Variants in COMMD5 observed in about 807,000 individuals in gnomAD.
COMMD5 encodes COMM domain containing 5, also known as COMM domain-containing protein 5.
Under a neutral mutation model 6.9 loss-of-function variants are expected in COMMD5, and 10 were observed. That is an observed-to-expected ratio of 1.44 (90% CI 0.89 to 2.45). COMMD5 has a LOEUF of 2.45. COMMD5 is among the 30% of genes most tolerant of loss of function. The pLI is 0.00. For synonymous variants in COMMD5, 127 were observed against 125.3 expected, an observed-to-expected ratio of 1.01 and a Z score of -0.09; for missense variants, 234 against 287.8, an observed-to-expected ratio of 0.81 and a Z score of 1.35.
chr8:144,842,593 C>A (rs774549474), intron 1 of COMMD5: 1 of 1,614,202 alleles, frequency 6.2e-7, no homozygotes, highest in East Asian at 2.2e-5. Context: ...TGGAGAGAAA[C>A]CCTATGTGTG....
chr8:144,839,963 G>A (rs549644852), downstream of COMMD5, among the ~76,000 whole-genome samples: 2 of 152,120 alleles, frequency 1.3e-5, no homozygotes, highest in Non-Finnish European at 2.9e-5. Flanking sequence ...TTTTGAGATG[G>A]AGTCTTTGTT....
At chr8:144,849,440 G>C (rs1830641938), downstream of COMMD5, among the ~76,000 whole-genome samples, 1 of 152,106 alleles carries the variant, frequency 6.6e-6, no homozygotes, top group Admixed American at 6.5e-5. Flanking sequence ...CCCATGGAGG[G>C]ATGAGGAAGA....
rs540145430 is a variant in COMMD5 at position 144,843,566 on chromosome 8, T to C, written c.*117-1823A>G. Reference sequence around the variant, plus strand: ...TCGCGCCACTGCACTCCAGCCTGGGTGACAGAGTGAGACTCCCTCTCAAAA... The same window carrying C: ...TCGCGCCACTGCACTCCAGCCTGGGCGACAGAGTGAGACTCCCTCTCAAAA... On this transcript the variant is annotated intron_variant and NMD_transcript_variant, in intron 1 of 1. Coordinates refer to the COMMD5 transcript ENST00000530332. The C allele has an allele frequency of 6.3e-3, 795 of 126,942 alleles. 11 individuals carry two copies. Among genetic ancestry groups the C allele is most frequent in the Middle Eastern group, 0.053 (10 of 190 alleles). 7.9% of individuals were successfully genotyped at this position (126,942 alleles called of 1,614,324 possible).
chr8:144,841,894 T>C (rs1263651239), intron 1 of COMMD5: 4 of 1,614,016 alleles, frequency 2.5e-6, no homozygotes, highest in Admixed American at 3.3e-5. Flanking sequence ...CAGGCTCTGC[T>C]CGCAGCTTAA....
intron 1 of COMMD5, chr8:144,852,306 C>G (rs1369832568): frequency 2.0e-5 from 3 of 152,492 alleles, no homozygotes; most frequent in African/African-American, 7.2e-5. Context: ...ACAGCCCCAA[C>G]CCCCGGGCTG....
exon 2 of COMMD5, chr8:144,841,126 C>G: frequency 3.8e-6 from 2 of 528,122 alleles, no homozygotes; most frequent in Non-Finnish European, 6.7e-6. Context: ...CCAGCCCTGC[C>G]CCAGCAATGA....
At position 144,851,814 on chromosome 8, in the gene COMMD5, G is replaced by A. The variant is rs149663754; in HGVS notation, c.-57-419C>T. 6.1e-3 allele frequency among the ~76,000 whole-genome samples: 929 copies of A among 152,270 alleles called. 5 individuals carry two copies. Among genetic ancestry groups the A allele is most frequent in the Admixed American group, 0.01 (155 of 15,286 alleles). Reference sequence around the variant, plus strand: ...AATCCTTCACAACAGTGGGCAAGAAGAATTACCATTCTCACCTGACAGAGA... The same window carrying A: ...AATCCTTCACAACAGTGGGCAAGAAAAATTACCATTCTCACCTGACAGAGA... On this transcript the variant is annotated intron_variant, in intron 1 of 1. Transcript: ENST00000305103.
In COMMD5 at chr8:144,841,937, C is replaced by A. The variant is rs201735537; in HGVS notation, c.*117-194G>T. The A allele has an allele frequency of 3.3e-5, 53 of 1,614,168 alleles. No individual in the cohort carries two copies. The highest frequency in any genetic ancestry group is 4.2e-5 in the Non-Finnish European group (49 of 1,180,040). On this transcript the variant is annotated intron_variant and NMD_transcript_variant, in intron 1 of 1. Transcript: ENST00000530332. ...CAGAGAATCCACACGGGAGAGAAAC[C>A]CTTTAAATGCACTGAGTGTGGAAAA...
At chr8:144,846,196 C>G (rs945614725), downstream of COMMD5, 2 of 1,535,114 alleles carry the variant, frequency 1.3e-6, no homozygotes, top group African/African-American at 2.7e-5. Context: ...AGATTCTGTG[C>G]TAACCATAAT....
downstream of COMMD5, among the ~76,000 whole-genome samples, chr8:144,850,013 G>A (rs773671985): frequency 2.0e-5 from 3 of 151,898 alleles, no homozygotes; most frequent in Non-Finnish European, 4.4e-5. This position sits in a 1 kb window ranked among gnomAD's most constrained non-coding sequence, Gnocchi z 4.0. Context: ...CACACTGGCC[G>A]CCTGAGCCCC....
At chr8:144,847,059 T>A (rs1830550969), downstream of COMMD5, 1 of 152,254 alleles carries the variant, frequency 6.6e-6, no homozygotes, top group African/African-American at 2.4e-5. Context: ...ATGGGGCAGC[T>A]TGCTGAGAGC....
intron 1 of COMMD5, among the ~76,000 whole-genome samples, chr8:144,852,148 G>C (rs371287859): frequency 3.0e-4 from 40 of 132,488 alleles, no homozygotes; most frequent in African/African-American, 9.3e-4. Context: ...AAGGAAGGAA[G>C]GAACGAACGA....
downstream of COMMD5, among the ~76,000 whole-genome samples, chr8:144,849,067 C>T (rs1042547420): frequency 6.6e-6 from 1 of 152,198 alleles, no homozygotes; most frequent in African/African-American, 2.4e-5. Flanking sequence ...TCCACACAGG[C>T]TTTGCTAAGC....
downstream of COMMD5, chr8:144,838,425 G>GGCCTGGTGCTCTGCTCCCCT (rs1182858532): frequency 1.2e-5 from 5 of 426,802 alleles, no homozygotes; most frequent in East Asian, 1.6e-4. Flanking sequence ...GCAGGCGCCC[G>GGCCTGGTGCTCTGCTCCCCT]GCCTGGTGCT....
intron 1 of COMMD5, among the ~76,000 whole-genome samples, chr8:144,852,141 G>T (rs1830774669): frequency 7.6e-6 from 1 of 132,092 alleles, no homozygotes; most frequent in Non-Finnish European, 1.6e-5. Context: ...TGTGAGGAAG[G>T]AAGGAAGGAA....
Position 144,851,332 on chromosome 8 carries a change from C to CA in COMMD5, c.6dup (p.Ala3CysfsTer14). ...AGGTATGGAGTTGCAGCCCCCACAG[C>CA]AGACATTGCTGCTGCTTCCTCTTTG... is the stretch of plus-strand genomic sequence containing the variant. On this transcript the variant is annotated frameshift_variant, in exon 2 of 2. Coordinates refer to ENST00000305103, the MANE Select transcript of COMMD5 (RefSeq NM_014066.4). LOFTEE classifies it low-confidence loss of function (END_TRUNC). 3 of 1,604,376 alleles carry CA rather than the reference C, an allele frequency of 1.9e-6. No homozygotes were observed. The highest frequency in any genetic ancestry group is 2.6e-6 in the Non-Finnish European group (3 of 1,173,146).
chr8:144,850,441 C>T lies in COMMD5; in HGVS notation c.*223G>A, dbSNP rs1830682070. On this transcript the variant is annotated 3_prime_UTR_variant, in exon 2 of 2. Coordinates refer to ENST00000305103, the MANE Select transcript of COMMD5 (RefSeq NM_014066.4). The surrounding 1 kb of genome is among the most constrained non-coding windows in gnomAD (Gnocchi z 4.0). ...AGGGGAGGGTGTGAGGTCCAACACT[C>T]ACCTATAGAAACATGTTTTTAGCTG... 22 of 563,448 alleles carry T rather than the reference C, an allele frequency of 3.9e-5. No homozygotes were observed. The highest frequency in any genetic ancestry group is 9.3e-6 in the Non-Finnish European group (3 of 323,614). 34.9% of individuals were successfully genotyped at this position (563,448 alleles called of 1,614,324 possible).
chr8:144,842,922 G>T, intron 1 of COMMD5: 1 of 1,614,124 alleles, frequency 6.2e-7, no homozygotes, highest in Non-Finnish European at 8.5e-7. Flanking sequence ...TACACACTAG[G>T]GCCCAGTGGT....
intron 1 of COMMD5, chr8:144,842,724 G>A (rs377028214): frequency 1.9e-6 from 3 of 1,614,006 alleles, no homozygotes; most frequent in Non-Finnish European, 2.5e-6. Context: ...TGAGCACACA[G>A]CTTACAATAC....
Sources: gnomAD v4.1 joint callset for allele counts (sites outside exome capture counted in the v4.1 genomes callset) on GRCh38, gnomAD v4.1.1 for gene constraint, Gnocchi (gnomAD v3.1) non-coding constraint, MANE v1.5 for transcripts, NCBI Gene and HGNC (gene_info 2026-07-23, HGNC 2026-07-21) for gene names.